The following EIF4G3 variants were observed in gnomAD, a reference collection of about 807,000 sequenced individuals.
The protein encoded by EIF4G3 is eIF-4-gamma 3.
In EIF4G3, 34 loss-of-function variants were observed where a neutral mutation model predicts 186.4. That is an observed-to-expected ratio of 0.18 (90% CI 0.14 to 0.24). EIF4G3 has a LOEUF of 0.24. EIF4G3 is among the 10% of genes least tolerant of loss of function. EIF4G3 has a pLI of 1.00. For missense variants in EIF4G3, 1,536 were observed against 1,948.5 expected, an observed-to-expected ratio of 0.79 and a Z score of 3.99; for synonymous variants, 673 against 679.5, an observed-to-expected ratio of 0.99 and a Z score of 0.15.
At chr1:21,099,646 T>C (rs1481216354) in intron 2 of EIF4G3, among the ~76,000 whole-genome samples, 2 of 152,164 alleles carry the variant, frequency 1.3e-5, no homozygotes, top group African/African-American at 2.4e-5. Context: ...GATCAGTGCT[T>C]GCCAGGGCCT....
chr1:20,852,108 G>A (rs1413936230), intron 27 of EIF4G3, among the ~76,000 whole-genome samples: 2 of 152,130 alleles, frequency 1.3e-5, no homozygotes, highest in Non-Finnish European at 2.9e-5. Context: ...GTGCAATGGC[G>A]TAATCTCGGC....
intron 14 of EIF4G3, among the ~76,000 whole-genome samples, chr1:20,911,552 C>A (rs868714553): frequency 2.2e-4 from 26 of 116,828 alleles, no homozygotes; most frequent in Admixed American, 6.4e-4. Context: ...CAGACTGAGA[C>A]CCTGCCTCAA....
rs1226389599 is a variant in EIF4G3, at chr1:20,885,465, C to T, written c.2424+736G>A. ...CTTTGAACTGCTACACTTAACTGTT[C>T]ATGGTGAGAGAAAAGATATATAAGG... On this transcript the variant is annotated intron_variant, in intron 19 of 36. Transcript: ENST00000602326. 2.0e-5 allele frequency among the ~76,000 whole-genome samples: 3 copies of T among 152,254 alleles called. No homozygotes were observed. The East Asian group carries it at 5.8e-4, about 29-fold the overall frequency.
chr1:21,136,943 G>T (rs940153788), intron 2 of EIF4G3, among the ~76,000 whole-genome samples: 1 of 152,012 alleles, frequency 6.6e-6, no homozygotes, highest in South Asian at 2.1e-4. Flanking sequence ...AAGTGCAAAG[G>T]CTTAGTACAA....
intron 2 of EIF4G3, among the ~76,000 whole-genome samples, chr1:21,162,673 G>C (rs1173568986): frequency 2.0e-5 from 3 of 151,716 alleles, no homozygotes; most frequent in Non-Finnish European, 4.4e-5. Context: ...GCTTGAACCT[G>C]GGAGGCAGAG....
At chr1:20,945,482 C>G (rs1273976609) in intron 13 of EIF4G3, among the ~76,000 whole-genome samples, 1 of 152,070 alleles carries the variant, frequency 6.6e-6, no homozygotes, top group Non-Finnish European at 1.5e-5. Context: ...TGTTCTGTTT[C>G]TGAGACACAG....
rs570224669 is a variant in EIF4G3 at position 21,081,214 on chromosome 1, C to T, written c.-196+7924G>A. Among the ~76,000 whole-genome samples the T allele has an allele frequency of 3.9e-5, 6 of 152,178 alleles. No homozygotes were observed. In the East Asian group the frequency reaches 5.8e-4, roughly 15 times the overall value. ...TTGGGAGGCCGAGGCGGGTGGATCA[C>T]GAGGTCAAGAGATCAAGACCATCAT... On this transcript the variant is annotated intron_variant, in intron 3 of 36. Coordinates refer to ENST00000602326, the MANE Select transcript of EIF4G3 (RefSeq NM_001391906.1).
chr1:21,170,976 T>C (rs2097953775), intron 2 of EIF4G3, among the ~76,000 whole-genome samples: 1 of 103,026 alleles, frequency 9.7e-6, no homozygotes, highest in South Asian at 4.1e-4. Context: ...CAAGTCCCTG[T>C]CTAAAAAAAT....
intron 16 of EIF4G3, 145 bp from the exon 17 acceptor site, chr1:20,895,646 G>A: frequency 2.4e-6 from 2 of 836,302 alleles, no homozygotes; most frequent in Non-Finnish European, 1.8e-6. Flanking sequence ...GAAGCTGAAA[G>A]GTTCCTATTG....
At chr1:20,842,130 T>C (rs754046581) in intron 29 of EIF4G3, among the ~76,000 whole-genome samples, 3 of 152,220 alleles carry the variant, frequency 2.0e-5, no homozygotes, top group African/African-American at 2.4e-5. Context: ...TCTTTCTGAA[T>C]GTCCAAGAGA....
intron 2 of EIF4G3, among the ~76,000 whole-genome samples, chr1:21,101,873 C>A (rs1481085963): frequency 6.6e-6 from 1 of 152,104 alleles, no homozygotes; most frequent in Admixed American, 6.6e-5. Flanking sequence ...CCCAGACCTT[C>A]AGAGTATAAC....
intron 2 of EIF4G3, chr1:21,111,451 T>C (rs1028584157): frequency 4.4e-6 from 2 of 456,886 alleles, no homozygotes; most frequent in African/African-American, 2.0e-5. Flanking sequence ...TTCATTATTA[T>C]ACATAGCTCT....
In EIF4G3 at chr1:21,018,991, A is replaced by T. The variant is rs76898582; in HGVS notation, c.-66-16183T>A. 6.2e-3 allele frequency among the ~76,000 whole-genome samples: 941 copies of T among 152,092 alleles called. 8 individuals are homozygous for T. The highest frequency in any genetic ancestry group is 0.022 in the African/African-American group (906 of 41,468). On this transcript the variant is annotated intron_variant, in intron 4 of 36. Coordinates refer to ENST00000602326, the MANE Select transcript of EIF4G3 (RefSeq NM_001391906.1). ...CTTTATAGCAAATGATCTCAGAAAG[A>T]TGGTAAATTTTGTGTATTTTACCAC...
At chr1:21,118,264 C>T (rs560767985) in intron 2 of EIF4G3, among the ~76,000 whole-genome samples, 3 of 152,156 alleles carry the variant, frequency 2.0e-5, no homozygotes, top group Non-Finnish European at 4.4e-5. Context: ...TTTCAGTATA[C>T]AACACTTTGA....
intron 20 of EIF4G3, among the ~76,000 whole-genome samples, chr1:20,876,381 A>G (rs2080834538): frequency 6.6e-6 from 1 of 151,336 alleles, no homozygotes; most frequent in South Asian, 2.1e-4. Context: ...TGCAATTAGT[A>G]TAAAAGTATG....
intron 4 of EIF4G3, among the ~76,000 whole-genome samples, chr1:21,037,625 T>A (rs558620045): frequency 2.0e-5 from 3 of 152,202 alleles, no homozygotes; most frequent in Non-Finnish European, 4.4e-5. Context: ...ATATTATCTG[T>A]AAAAAAGCTG....
rs544062712 is a variant in EIF4G3, at chr1:20,960,991, A to G, written c.714+8483T>C. ...ACTGGTGAACATCGAAAACTTCTTA[A>G]CTTCACAGAATACACAAAAATTAAA... is the stretch of plus-strand genomic sequence containing the variant. On this transcript the variant is annotated intron_variant, in intron 12 of 36. Coordinates refer to ENST00000602326, the MANE Select transcript of EIF4G3 (RefSeq NM_001391906.1). Among the ~76,000 whole-genome samples the G allele has an allele frequency of 4.6e-5, 7 of 152,380 alleles. No homozygotes were observed. In the East Asian group the frequency reaches 1.3e-3, roughly 29 times the overall value.
At position 20,887,423 on chromosome 1, in the gene EIF4G3, C is replaced by T. The variant is rs371645513; in HGVS notation, c.2254-1052G>A. Among the ~76,000 whole-genome samples, 147 of 152,162 alleles carry T rather than the reference C, an allele frequency of 9.7e-4. 3 individuals are homozygous for T. In the South Asian group the frequency reaches 0.029, roughly 30 times the overall value. On this transcript the variant is annotated intron_variant, in intron 18 of 36. Transcript: ENST00000602326. ...ATTACATAAAAATACAGTTTCTAGG[C>T]GATAACACAGTCTGGGGCCTAAGCT... is the stretch of plus-strand genomic sequence containing the variant.
intron 12 of EIF4G3, among the ~76,000 whole-genome samples, chr1:20,963,752 G>A (rs191595636): frequency 5.5e-4 from 83 of 152,018 alleles, no homozygotes; most frequent in Non-Finnish European, 7.9e-4. Context: ...TCAGGTGTTC[G>A]AGACCAGCCT....
Sources: allele counts gnomAD v4.1 joint callset (sites outside exome capture counted in the v4.1 genomes callset), GRCh38; gene constraint gnomAD v4.1.1; transcripts MANE v1.5; gene names NCBI Gene and HGNC (gene_info 2026-07-23, HGNC 2026-07-21).